Variants in MYPN observed in about 807,000 individuals in gnomAD.
MYPN encodes myopalladin.
Under a neutral mutation model 129.4 loss-of-function variants are expected in MYPN, and 63 were observed. The ratio of observed to expected loss-of-function variants is 0.49; its 90% CI spans 0.40 to 0.60. The LOEUF (loss-of-function observed/expected upper bound fraction) is 0.60. MYPN is among the 20% of genes least tolerant of loss of function. The pLI is 0.00. For synonymous variants in MYPN, 629 were observed against 600.9 expected (o/e 1.05, Z -0.68); for missense variants, 1,596 against 1,635.4 (o/e 0.98, Z 0.42).
chr10:68,149,296 G>C (rs1367248277), intron 5 of MYPN, among the ~76,000 whole-genome samples: 1 of 152,120 alleles, frequency 6.6e-6, no homozygotes, highest in Non-Finnish European at 1.5e-5. Context: ...ACTCCTCAGA[G>C]GTACTTCATG....
At chr10:68,169,023 C>T (rs1432758474) in intron 10 of MYPN, among the ~76,000 whole-genome samples, 3 of 121,616 alleles carry the variant, frequency 2.5e-5, no homozygotes, top group Non-Finnish European at 4.9e-5. Context: ...AAAAAAAAGA[C>T]CTGTTTCATG....
chr10:68,156,825 G>T (rs1162712231), intron 6 of MYPN, among the ~76,000 whole-genome samples: 1 of 152,214 alleles, frequency 6.6e-6, no homozygotes, highest in Non-Finnish European at 1.5e-5. Context: ...TTTCCTAAAT[G>T]CAGGTCCAAA....
chr10:68,175,597 C>T (rs2043216021), intron 12 of MYPN, 136 bp downstream of exon 12: 3 of 957,706 alleles, frequency 3.1e-6, no homozygotes, highest in African/African-American at 1.6e-5. Flanking sequence ...ACAGACTAAC[C>T]AAAGGTCATG....
chr10:68,204,891 C>T (rs61854762), intron 18 of MYPN, among the ~76,000 whole-genome samples: 22,308 of 151,868 alleles, frequency 0.15, 2,125 homozygotes, highest in Admixed American at 0.2. Flanking sequence ...GCCAGTACCC[C>T]GTGTGCACTC....
At chr10:68,106,513 T>C (rs1033860344), upstream of MYPN, 34 of 615,892 alleles carry the variant, frequency 5.5e-5, no homozygotes, top group African/African-American at 5.8e-4. Flanking sequence ...ATACATACTT[T>C]CTCTGTTTTT....
intron 2 of MYPN, among the ~76,000 whole-genome samples, chr10:68,122,911 A>G (rs980758721): frequency 4.6e-5 from 7 of 152,088 alleles, no homozygotes; most frequent in Admixed American, 2.6e-4. Flanking sequence ...TCAAAAATAA[A>G]TAAATAAAAT....
chr10:68,178,222 A>C (rs1461231843), intron 12 of MYPN, among the ~76,000 whole-genome samples: 1 of 152,174 alleles, frequency 6.6e-6, no homozygotes, highest in Admixed American at 6.5e-5. Context: ...TATTTATTAA[A>C]ATTTTTAGCT....
At chr10:68,170,310 C>T (rs984560812) in intron 10 of MYPN, among the ~76,000 whole-genome samples, 4 of 152,136 alleles carry the variant, frequency 2.6e-5, no homozygotes, top group Admixed American at 6.5e-5. Context: ...TGTAGTGACA[C>T]CCTCTAAAAA....
At chr10:68,196,138 A>G (rs889433843) in intron 15 of MYPN, among the ~76,000 whole-genome samples, 10 of 152,216 alleles carry the variant, frequency 6.6e-5, no homozygotes, top group Non-Finnish European at 1.3e-4. Flanking sequence ...ATTTGTAACC[A>G]TCAGTAGCAC....
intron 1 of MYPN, among the ~76,000 whole-genome samples, chr10:68,116,795 T>C (rs2042164017): frequency 6.6e-6 from 1 of 152,152 alleles, no homozygotes; most frequent in Non-Finnish European, 1.5e-5. Context: ...AGTTATTTTA[T>C]CCATCATAAA....
rs750903219 is a variant in MYPN, at chr10:68,199,581, G to C, written c.3493+6G>C. On this transcript the variant is annotated splice_donor_region_variant and intron_variant, in intron 17 of 19. Coordinates refer to ENST00000358913, the MANE Select transcript of MYPN (RefSeq NM_032578.4). ...TCTGGAGCTCTCTGTAGTAGGTAAG[G>C]TTTGCTGCTGGGACCCCTAAACACA... 1 of 1,582,862 alleles carries C rather than the reference G, an allele frequency of 6.3e-7. No individual in the cohort carries two copies. The highest frequency in any genetic ancestry group is 8.6e-7 in the Non-Finnish European group (1 of 1,162,482).
chr10:68,125,484 T>G (rs2042312282), intron 2 of MYPN, among the ~76,000 whole-genome samples: 1 of 152,230 alleles, frequency 6.6e-6, no homozygotes, highest in Non-Finnish European at 1.5e-5. Context: ...ACAGAATTTA[T>G]ATAACTCCAA....
chr10:68,130,312 T>C (rs1257642123), intron 2 of MYPN, among the ~76,000 whole-genome samples: 1 of 152,030 alleles, frequency 6.6e-6, no homozygotes, highest in Non-Finnish European at 1.5e-5. Flanking sequence ...ATACAAAAAT[T>C]AGCCAGGCGT....
At chr10:68,197,884 A>C (rs535015211) in intron 16 of MYPN, among the ~76,000 whole-genome samples, 1 of 152,176 alleles carries the variant, frequency 6.6e-6, no homozygotes, top group African/African-American at 2.4e-5. Flanking sequence ...GCTACTAAGT[A>C]TCTAATGGGC....
intron 15 of MYPN, 102 bp from the exon 16 acceptor site, chr10:68,197,250 A>G: frequency 7.0e-7 from 1 of 1,428,592 alleles, no homozygotes; most frequent in Non-Finnish European, 9.5e-7. Flanking sequence ...TTCAAAAAAA[A>G]AAAATCTGTT....
chr10:68,103,105 C>A (rs961078610), upstream of MYPN, among the ~76,000 whole-genome samples: 10 of 152,170 alleles, frequency 6.6e-5, no homozygotes, highest in Non-Finnish European at 1.5e-4. Flanking sequence ...AAAGATTTTG[C>A]AGGTCTTCCT....
chr10:68,153,125 A>G (rs1039797339), intron 6 of MYPN, among the ~76,000 whole-genome samples: 6 of 151,832 alleles, frequency 4.0e-5, no homozygotes, highest in African/African-American at 1.5e-4. Context: ...AGCTGGGACT[A>G]TAGGTGTGCA....
intron 1 of MYPN, among the ~76,000 whole-genome samples, chr10:68,096,826 A>T (rs1017139496): frequency 6.6e-5 from 10 of 152,202 alleles, no homozygotes; most frequent in African/African-American, 2.4e-4. Context: ...AAATCACTTA[A>T]CCTTAACAAT....
chr10:68,090,859 C>T (rs1286125628), intron 1 of MYPN, among the ~76,000 whole-genome samples: 1 of 152,120 alleles, frequency 6.6e-6, no homozygotes, highest in East Asian at 1.9e-4. Flanking sequence ...CTTATAATTA[C>T]ATTGATGAAA....
Sources: gnomAD v4.1 joint callset for allele counts (sites outside exome capture counted in the v4.1 genomes callset) on GRCh38, gnomAD v4.1.1 for gene constraint, MANE v1.5 for transcripts, NCBI Gene and HGNC (gene_info 2026-07-23, HGNC 2026-07-21) for gene names.